Variants in TESC observed in about 807,000 individuals in gnomAD.
TESC encodes the protein calcineurin B homologous protein 3.
TESC carries 19 observed loss-of-function variants against 31.0 expected under a neutral mutation model. The ratio of observed to expected loss-of-function variants is 0.61; its 90% CI spans 0.43 to 0.90. TESC has a LOEUF of 0.90. Among genes scored for constraint, TESC ranks in the 40% least tolerant of loss-of-function variants. The pLI, the probability that TESC is intolerant of heterozygous loss-of-function variation, is 0.00. For synonymous variants in TESC, 109 were observed against 114.8 expected (o/e 0.95, Z 0.32); for missense variants, 248 against 303.8 (o/e 0.82, Z 1.36).
chr12:117,047,577 G>A (rs1241836958), intron 4 of TESC, among the ~76,000 whole-genome samples: 2 of 151,772 alleles, frequency 1.3e-5, no homozygotes, highest in African/African-American at 2.4e-5. Flanking sequence ...GGTGCACGCC[G>A]CCATGCCCAA....
intron 6 of TESC, 143 bp downstream of exon 6, chr12:117,046,415 TG>T: frequency 1.3e-6 from 1 of 747,146 alleles, no homozygotes; most frequent in Non-Finnish European, 2.1e-6. Context: ...CAGGAAGGGC[TG>T]GGAGAGGTTC....
At chr12:117,072,215 C>G (rs1954984077) in intron 2 of TESC, among the ~76,000 whole-genome samples, 1 of 152,110 alleles carries the variant, frequency 6.6e-6, no homozygotes, top group Non-Finnish European at 1.5e-5. Context: ...GCCCCATTTG[C>G]CAAATGCCTG....
intron 1 of TESC, among the ~76,000 whole-genome samples, chr12:117,087,449 G>A (rs894742727): frequency 2.6e-5 from 4 of 152,110 alleles, no homozygotes; most frequent in Admixed American, 6.6e-5. Context: ...GGATCTCTGC[G>A]GGTTTTTTCC....
At chr12:117,065,899 T>C (rs1954872078) in intron 2 of TESC, among the ~76,000 whole-genome samples, 1 of 152,070 alleles carries the variant, frequency 6.6e-6, no homozygotes, top group South Asian at 2.1e-4. Flanking sequence ...GGAGCTAACA[T>C]ACAGCTGGTG....
chr12:117,090,927 C>T (rs565873232), intron 1 of TESC, among the ~76,000 whole-genome samples: 1 of 152,330 alleles, frequency 6.6e-6, no homozygotes, highest in East Asian at 1.9e-4. Flanking sequence ...CTACAGCCCC[C>T]CTTTGAGGAC....
chr12:117,053,808 T>C (rs61595268), intron 3 of TESC: 2,234 of 152,336 alleles, frequency 0.015, 51 homozygotes, highest in African/African-American at 0.049. Flanking sequence ...TGGGCTCTGG[T>C]CCCCTGTACC....
intron 1 of TESC, among the ~76,000 whole-genome samples, chr12:117,076,849 C>T (rs1565972169): frequency 1.3e-5 from 2 of 152,150 alleles, no homozygotes; most frequent in Non-Finnish European, 2.9e-5. Context: ...TGCGACTGAC[C>T]CCAAAGCCAG....
chr12:117,080,756 C>G (rs1033493494), intron 1 of TESC, among the ~76,000 whole-genome samples: 3 of 152,186 alleles, frequency 2.0e-5, no homozygotes, highest in African/African-American at 7.2e-5. Flanking sequence ...TGCGCCCCCC[C>G]AACCCCTTCC....
intron 2 of TESC, among the ~76,000 whole-genome samples, chr12:117,061,998 G>A (rs1954805850): frequency 6.6e-6 from 1 of 152,178 alleles, no homozygotes; most frequent in South Asian, 2.1e-4. Context: ...TGCTGAGTAG[G>A]CTGCCTGACA....
chr12:117,050,459 TG>T (rs1472529514), intron 3 of TESC, among the ~76,000 whole-genome samples: 2 of 152,178 alleles, frequency 1.3e-5, no homozygotes, highest in Non-Finnish European at 2.9e-5. Context: ...GAAAGTTTTG[TG>T]GTAAGTTAGG....
At chr12:117,054,066 T>G (rs913995160) in intron 3 of TESC, 3 of 152,268 alleles carry the variant, frequency 2.0e-5, no homozygotes, top group South Asian at 2.1e-4. Context: ...TTGGCACACA[T>G]GACAACTGGC....
At chr12:117,042,609 C>A (rs1954501425) in intron 6 of TESC, among the ~76,000 whole-genome samples, 1 of 152,250 alleles carries the variant, frequency 6.6e-6, no homozygotes, top group Non-Finnish European at 1.5e-5. Context: ...AGGAGCCTCT[C>A]CCTGCTGAGT....
At chr12:117,071,310 G>A (rs1246741107) in intron 2 of TESC, among the ~76,000 whole-genome samples, 1 of 152,202 alleles carries the variant, frequency 6.6e-6, no homozygotes, top group African/African-American at 2.4e-5. Flanking sequence ...CAGCACTTTG[G>A]CCAAGGAAAA....
At chr12:117,070,056 T>C (rs945992975) in intron 2 of TESC, among the ~76,000 whole-genome samples, 3 of 152,296 alleles carry the variant, frequency 2.0e-5, no homozygotes. Context: ...GCCATTTTCA[T>C]GTGGGGGAAT....
intron 1 of TESC, among the ~76,000 whole-genome samples, chr12:117,091,249 A>T (rs1955302282): frequency 6.6e-6 from 1 of 152,224 alleles, no homozygotes; most frequent in Non-Finnish European, 1.5e-5. Context: ...ACCAGCATGG[A>T]CAAAAGAACA....
At chr12:117,075,921 GTGTATATATATATATATA>G (rs1222801280) in intron 1 of TESC, among the ~76,000 whole-genome samples, 2 of 79,878 alleles carry the variant, frequency 2.5e-5, no homozygotes, top group Non-Finnish European at 4.5e-5. Flanking sequence ...ATATGTGTGT[GTGTATATATATATATATA>G]TGTATATATA....
chr12:117,085,282 C>T (rs1038218778), intron 1 of TESC, among the ~76,000 whole-genome samples: 2 of 152,140 alleles, frequency 1.3e-5, no homozygotes, highest in Admixed American at 1.3e-4. Context: ...TCTATCAGTC[C>T]AGGACATTTG....
intron 1 of TESC, among the ~76,000 whole-genome samples, chr12:117,086,182 G>A (rs1955217236): frequency 6.6e-6 from 1 of 152,160 alleles, no homozygotes. Context: ...GTTTTTTGGA[G>A]GGCGATGAAA....
At chr12:117,098,225 T>C (rs1480371539) in intron 1 of TESC, among the ~76,000 whole-genome samples, 2 of 152,284 alleles carry the variant, frequency 1.3e-5, no homozygotes, top group East Asian at 3.9e-4. Context: ...TATCTGCAGC[T>C]CCCATTTCCT....
Sources: gnomAD v4.1 joint callset for allele counts (sites outside exome capture counted in the v4.1 genomes callset) on GRCh38, gnomAD v4.1.1 for gene constraint, MANE v1.5 for transcripts, NCBI Gene and HGNC (gene_info 2026-07-23, HGNC 2026-07-21) for gene names.